Variants in FOXP1 observed in about 807,000 individuals in gnomAD.
The protein encoded by FOXP1 is forkhead box protein P1.
A neutral mutation model predicts 98.2 loss-of-function variants in FOXP1; 15 were observed. That is an observed-to-expected ratio of 0.15 (90% CI 0.10 to 0.24). The LOEUF (loss-of-function observed/expected upper bound fraction) is 0.24, where lower values mean the gene tolerates loss of function less well. FOXP1 is among the 10% of genes least tolerant of loss of function. The pLI, the probability that FOXP1 is intolerant of heterozygous loss-of-function variation, is 1.00. For missense variants in FOXP1, 633 were observed against 848.5 expected (o/e 0.75, Z 3.15); for synonymous variants, 371 against 314.5 (o/e 1.18, Z -1.90).
intron 4 of FOXP1, among the ~76,000 whole-genome samples, chr3:71,352,470 CAAAAAAAAA>C (rs34693899): frequency 3.0e-5 from 2 of 67,130 alleles, no homozygotes; most frequent in African/African-American, 1.4e-4. Flanking sequence ...GACTCCATCT[CAAAAAAAAA>C]AAAAAAAAAA....
chr3:71,447,951 C>T (rs2086603746), intron 3 of FOXP1, among the ~76,000 whole-genome samples: 1 of 152,166 alleles, frequency 6.6e-6, no homozygotes, highest in Non-Finnish European at 1.5e-5. Context: ...CCTCAAATGA[C>T]TCATTCTTCC....
At chr3:71,004,452 AAG>A (rs1447270764) in intron 12 of FOXP1, among the ~76,000 whole-genome samples, 1 of 151,084 alleles carries the variant, frequency 6.6e-6, no homozygotes, top group Non-Finnish European at 1.5e-5. Flanking sequence ...ATAAAATGAA[AAG>A]AGAGTTGTAG....
intron 3 of FOXP1, among the ~76,000 whole-genome samples, chr3:71,404,953 G>A (rs1325292286): frequency 1.3e-5 from 2 of 152,134 alleles, no homozygotes; most frequent in African/African-American, 4.8e-5. Flanking sequence ...AGGGCAATAT[G>A]GTTTATCGTG....
intron 3 of FOXP1, among the ~76,000 whole-genome samples, chr3:71,367,052 A>C (rs2078974076): frequency 6.6e-6 from 1 of 152,218 alleles, no homozygotes. Context: ...TCATTTGCTC[A>C]TTAAAAACAA....
chr3:71,270,331 G>C (rs1576683698), intron 5 of FOXP1, among the ~76,000 whole-genome samples: 1 of 152,204 alleles, frequency 6.6e-6, no homozygotes, highest in Non-Finnish European at 1.5e-5. Flanking sequence ...TGTTAATACT[G>C]ATGTGCAAAA....
At chr3:71,127,097 G>T (rs1349538593) in intron 6 of FOXP1, among the ~76,000 whole-genome samples, 1 of 151,972 alleles carries the variant, frequency 6.6e-6, no homozygotes, top group Non-Finnish European at 1.5e-5. Flanking sequence ...ACCCTACTGT[G>T]GAGTTTTCTG....
At chr3:71,001,369 C>A (rs1224533318) in intron 12 of FOXP1, among the ~76,000 whole-genome samples, 1 of 152,124 alleles carries the variant, frequency 6.6e-6, no homozygotes. Context: ...TAATGGGCAG[C>A]AATCAGAGAC....
intron 5 of FOXP1, among the ~76,000 whole-genome samples, chr3:71,234,552 C>T (rs987549581): frequency 1.3e-5 from 2 of 152,234 alleles, no homozygotes; most frequent in African/African-American, 4.8e-5. Flanking sequence ...CCAAGAACAA[C>T]TCTTTGATTT....
chr3:71,115,610 T>C (rs1392991523), intron 6 of FOXP1, among the ~76,000 whole-genome samples: 1 of 152,074 alleles, frequency 6.6e-6, no homozygotes, highest in African/African-American at 2.4e-5. Flanking sequence ...GTGCTGGGAT[T>C]ACAGGTGTGA....
At chr3:71,190,928 T>G (rs182037959) in intron 6 of FOXP1, among the ~76,000 whole-genome samples, 1 of 152,308 alleles carries the variant, frequency 6.6e-6, no homozygotes, top group African/African-American at 2.4e-5. Context: ...AAAGACAAAG[T>G]GATGAAAAGA....
chr3:71,493,291 T>G (rs956746479), intron 3 of FOXP1, 135 bp downstream of exon 3: 1 of 152,222 alleles, frequency 6.6e-6, no homozygotes, highest in Non-Finnish European at 1.5e-5. Flanking sequence ...CTGAAAAGAT[T>G]ACACCAGAAA....
chr3:71,562,111 C>G (rs563265824), intron 2 of FOXP1, among the ~76,000 whole-genome samples: 97 of 152,288 alleles, frequency 6.4e-4, no homozygotes, highest in Non-Finnish European at 1.1e-3. Flanking sequence ...GGCTTCTATC[C>G]TCCGAGCTGT....
At chr3:71,052,160 G>C (rs908512007) in intron 9 of FOXP1, among the ~76,000 whole-genome samples, 2 of 149,686 alleles carry the variant, frequency 1.3e-5, no homozygotes, top group Non-Finnish European at 1.5e-5. Context: ...CCCAAGCTCT[G>C]TGAGCTGGGG....
At chr3:71,438,318 C>T (rs551028035) in intron 3 of FOXP1, among the ~76,000 whole-genome samples, 1 of 152,142 alleles carries the variant, frequency 6.6e-6, no homozygotes, top group African/African-American at 2.4e-5. Flanking sequence ...TGAGCTACAT[C>T]GGCCGGAAAG....
At chr3:71,510,851 T>C (rs954530491) in intron 2 of FOXP1, among the ~76,000 whole-genome samples, 2 of 152,252 alleles carry the variant, frequency 1.3e-5, no homozygotes, top group Middle Eastern at 3.2e-3. Context: ...AATCAGTACA[T>C]GCCTCATTAA....
chr3:71,546,082 C>T (rs2045334861), intron 2 of FOXP1, among the ~76,000 whole-genome samples: 1 of 152,138 alleles, frequency 6.6e-6, no homozygotes, highest in African/African-American at 2.4e-5. Context: ...TGTGGCTTTT[C>T]CCCAGGAGGG....
intron 13 of FOXP1, among the ~76,000 whole-genome samples, chr3:70,997,520 G>T (rs536199182): frequency 5.3e-5 from 8 of 152,268 alleles, no homozygotes; most frequent in African/African-American, 1.7e-4. Flanking sequence ...CTCAGGGCAA[G>T]GGTTCTTTAA....
chr3:71,203,832 C>G (rs1202372432), intron 5 of FOXP1, among the ~76,000 whole-genome samples: 1 of 152,076 alleles, frequency 6.6e-6, no homozygotes, highest in Admixed American at 6.6e-5. Flanking sequence ...GTCCACCCCC[C>G]ATCCGAAAAG....
chr3:71,439,295 T>C (rs1270479223), intron 3 of FOXP1, among the ~76,000 whole-genome samples: 4 of 152,178 alleles, frequency 2.6e-5, no homozygotes, highest in Admixed American at 1.3e-4. Flanking sequence ...CCTTTCTGTG[T>C]GTCCATGTGC....
Sources: gnomAD v4.1 joint callset for allele counts (sites outside exome capture counted in the v4.1 genomes callset) on GRCh38, gnomAD v4.1.1 for gene constraint, MANE v1.5 for transcripts, NCBI Gene and HGNC (gene_info 2026-07-23, HGNC 2026-07-21) for gene names.